NKAIN3: variants seen among roughly 807,000 people sequenced by gnomAD.
NKAIN3 encodes the protein sodium/potassium transporting ATPase interacting 3, also known as sodium/potassium-transporting ATPase subunit beta-1-interacting protein 3.
In NKAIN3, 25 loss-of-function variants were observed where a neutral mutation model predicts 30.2. The observed-to-expected ratio is 0.83, with a 90% CI of 0.60 to 1.16. The LOEUF (loss-of-function observed/expected upper bound fraction) is 1.16, where lower values mean the gene tolerates loss of function less well. NKAIN3 is among the 50% of genes most tolerant of loss of function. The probability of loss-of-function intolerance (pLI) is 0.00; values close to 1 mark genes in which losing one functional copy is unlikely to be tolerated. For missense variants in NKAIN3, 225 were observed against 254.1 expected (o/e 0.89, Z 0.78); for synonymous variants, 91 against 89.6 (o/e 1.02, Z -0.09).
chr8:62,375,533 C>T (rs1032887207), intron 1 of NKAIN3, among the ~76,000 whole-genome samples: 3 of 152,062 alleles, frequency 2.0e-5, no homozygotes, highest in African/African-American at 4.8e-5. Context: ...TATATTTAGC[C>T]GTTCTGAACT....
intron 4 of NKAIN3, among the ~76,000 whole-genome samples, chr8:62,758,934 T>G (rs938772233): frequency 3.3e-5 from 5 of 152,170 alleles, no homozygotes; most frequent in Non-Finnish European, 5.9e-5. Flanking sequence ...TATTCAGAAG[T>G]AAACAATAAA....
chr8:62,863,849 T>C (rs771404891), intron 4 of NKAIN3: 1 of 1,599,364 alleles, frequency 6.3e-7, no homozygotes, highest in South Asian at 1.1e-5. Context: ...TTTCACTGGA[T>C]GATAGCCACC....
At chr8:62,875,917 G>C (rs1186957814) in intron 4 of NKAIN3, among the ~76,000 whole-genome samples, 1 of 151,998 alleles carries the variant, frequency 6.6e-6, no homozygotes. Context: ...CATAGGAATG[G>C]GAAAAGACTT....
chr8:62,647,520 G>A (rs1411898204), intron 3 of NKAIN3, among the ~76,000 whole-genome samples: 12 of 152,102 alleles, frequency 7.9e-5, no homozygotes, highest in Admixed American at 7.9e-4. Flanking sequence ...AGGGATCTCC[G>A]ACCTTAACTA....
At chr8:62,740,692 A>C (rs1020657530) in intron 3 of NKAIN3, among the ~76,000 whole-genome samples, 1 of 152,102 alleles carries the variant, frequency 6.6e-6, no homozygotes, top group Non-Finnish European at 1.5e-5. Context: ...CACACTTACT[A>C]TGAATAAAAT....
chr8:62,496,218 A>G (rs1807232042), intron 1 of NKAIN3, among the ~76,000 whole-genome samples: 1 of 152,162 alleles, frequency 6.6e-6, no homozygotes, highest in Non-Finnish European at 1.5e-5. Context: ...AATGCACACA[A>G]GAAGAAATAA....
At chr8:62,935,073 C>T (rs921768254) in intron 5 of NKAIN3, among the ~76,000 whole-genome samples, 1 of 152,048 alleles carries the variant, frequency 6.6e-6, no homozygotes, top group Non-Finnish European at 1.5e-5. Flanking sequence ...AAAAACAAGT[C>T]ATAGAAGATA....
chr8:62,825,233 C>T (rs1314739567), intron 4 of NKAIN3, among the ~76,000 whole-genome samples: 1 of 152,126 alleles, frequency 6.6e-6, no homozygotes, highest in East Asian at 1.9e-4. Flanking sequence ...AATAGACAAA[C>T]TTTATCAAGC....
intron 5 of NKAIN3, among the ~76,000 whole-genome samples, chr8:62,942,153 C>A (rs915437562): frequency 1.8e-4 from 27 of 149,030 alleles, no homozygotes; most frequent in African/African-American, 5.9e-4. Flanking sequence ...GAACTCAATC[C>A]TTTTACAATA....
chr8:62,587,384 A>T (rs1228356945), intron 2 of NKAIN3, among the ~76,000 whole-genome samples: 13 of 152,026 alleles, frequency 8.6e-5, no homozygotes, highest in Non-Finnish European at 1.8e-4. Context: ...CATATTATAC[A>T]TGTCACACTA....
chr8:62,895,583 G>A (rs1821406919), intron 4 of NKAIN3, among the ~76,000 whole-genome samples: 1 of 152,184 alleles, frequency 6.6e-6, no homozygotes, highest in South Asian at 2.1e-4. Flanking sequence ...AAGCTTGAGA[G>A]TCTGTTAGGA....
At chr8:62,879,283 T>C (rs1820898719) in intron 4 of NKAIN3, among the ~76,000 whole-genome samples, 1 of 152,226 alleles carries the variant, frequency 6.6e-6, no homozygotes. Context: ...CATTTTTTCA[T>C]GTGTATTTTA....
intron 4 of NKAIN3, among the ~76,000 whole-genome samples, chr8:62,904,492 C>G (rs1455581): frequency 0.16 from 25,007 of 152,042 alleles, 2,897 homozygotes; most frequent in African/African-American, 0.31. Flanking sequence ...AGTGCATGAT[C>G]CACACAATAT....
intron 1 of NKAIN3, among the ~76,000 whole-genome samples, chr8:62,489,017 C>A (rs1434946318): frequency 6.6e-6 from 1 of 152,068 alleles, no homozygotes; most frequent in Non-Finnish European, 1.5e-5. Context: ...TATCATAGGA[C>A]AATCATCTAT....
chr8:62,594,743 G>A (rs1351342112), intron 3 of NKAIN3, among the ~76,000 whole-genome samples: 1 of 151,862 alleles, frequency 6.6e-6, no homozygotes. Flanking sequence ...ACTGGAAATA[G>A]ACAATGACTT....
intron 1 of NKAIN3, among the ~76,000 whole-genome samples, chr8:62,341,463 A>T (rs1815742539): frequency 6.6e-6 from 1 of 152,158 alleles, no homozygotes; most frequent in East Asian, 1.9e-4. Context: ...CCCCTATTTT[A>T]CTGACTGAGA....
chr8:62,481,838 A>G (rs1019783521), intron 1 of NKAIN3, among the ~76,000 whole-genome samples: 1 of 152,214 alleles, frequency 6.6e-6, no homozygotes, highest in African/African-American at 2.4e-5. Flanking sequence ...CTAACTGTGA[A>G]CAGGTTAGAC....
At chr8:62,501,419 G>A (rs1007064765) in intron 1 of NKAIN3, among the ~76,000 whole-genome samples, 8 of 152,062 alleles carry the variant, frequency 5.3e-5, no homozygotes, top group Non-Finnish European at 7.4e-5. Context: ...TTCAGGGCTG[G>A]TATTCTTCTG....
chr8:62,282,777 T>G (rs1008202138), intron 1 of NKAIN3, among the ~76,000 whole-genome samples: 3 of 152,190 alleles, frequency 2.0e-5, no homozygotes, highest in Non-Finnish European at 2.9e-5. Flanking sequence ...TATTCAAGTT[T>G]CTAGACCATA....
Sources: allele counts gnomAD v4.1 joint callset (sites outside exome capture counted in the v4.1 genomes callset), GRCh38; gene constraint gnomAD v4.1.1; transcripts MANE v1.5; gene names NCBI Gene and HGNC (gene_info 2026-07-23, HGNC 2026-07-21).